Variants in RAP1GAP observed in about 807,000 individuals in gnomAD.
RAP1GAP encodes RAP1 GTPase activating protein.
Under a neutral mutation model 87.2 loss-of-function variants are expected in RAP1GAP, and 35 were observed. The ratio of observed to expected loss-of-function variants is 0.40; its 90% CI spans 0.31 to 0.53. The LOEUF is 0.53. Among genes scored for constraint, RAP1GAP ranks in the 20% least tolerant of loss-of-function variants. The pLI is 0.48. For synonymous variants in RAP1GAP, 375 were observed against 363.9 expected, an observed-to-expected ratio of 1.03 and a Z score of -0.35; for missense variants, 734 against 898.9, an observed-to-expected ratio of 0.82 and a Z score of 2.35.
rs535429077 is a variant in RAP1GAP at position 21,613,550 on chromosome 1, G to T, written c.474+78C>A. On this transcript the variant is annotated intron_variant, in intron 9 of 24. Coordinates refer to ENST00000374765, the MANE Select transcript of RAP1GAP (RefSeq NM_002885.4). The surrounding 1 kb of genome is among the most constrained non-coding windows in gnomAD (Gnocchi z 4.7). Reference sequence around the variant, plus strand: ...GCTAGGGCCTACAGCTGAAGGGGACGCGCCAAGGCAAGCTGAAGCCCCACA... The same window carrying T: ...GCTAGGGCCTACAGCTGAAGGGGACTCGCCAAGGCAAGCTGAAGCCCCACA... The T allele has an allele frequency of 3.7e-6, 5 of 1,342,978 alleles. No homozygotes were observed. The highest frequency in any genetic ancestry group is 2.3e-5 in the South Asian group (2 of 85,536). 83.2% of individuals were successfully genotyped at this position (1,342,978 alleles called of 1,614,324 possible).
intron 7 of RAP1GAP, among the ~76,000 whole-genome samples, chr1:21,614,676 A>AC (rs2080820346): frequency 6.6e-6 from 1 of 152,092 alleles, no homozygotes; most frequent in Non-Finnish European, 1.5e-5. Flanking sequence ...TTGGGAAGAC[A>AC]CCCTGGGGAG....
chr1:21,660,683 A>G (rs2097123211), intron 1 of RAP1GAP, among the ~76,000 whole-genome samples: 1 of 152,072 alleles, frequency 6.6e-6, no homozygotes, highest in Non-Finnish European at 1.5e-5. Context: ...CAATCTGGAA[A>G]ATGGAGATGA....
chr1:21,618,915 G>A, intron 5 of RAP1GAP, 110 bp downstream of exon 5: 1 of 1,275,276 alleles, frequency 7.8e-7, no homozygotes, highest in Admixed American at 2.0e-5. Context: ...CACACTGTAA[G>A]ACTACTTGCT....
At chr1:21,627,752 C>T (rs2092692761) in intron 2 of RAP1GAP, among the ~76,000 whole-genome samples, 1 of 152,122 alleles carries the variant, frequency 6.6e-6, no homozygotes, top group South Asian at 2.1e-4. Flanking sequence ...CCAGCTACTC[C>T]AGCAGGAGAA....
intron 2 of RAP1GAP, among the ~76,000 whole-genome samples, chr1:21,629,107 C>T (rs1273598604): frequency 1.3e-5 from 2 of 152,208 alleles, no homozygotes; most frequent in Non-Finnish European, 2.9e-5. Context: ...AAGCCACTTC[C>T]CCTAGCGAAT....
intron 2 of RAP1GAP, among the ~76,000 whole-genome samples, chr1:21,643,303 T>A (rs575447162): frequency 6.6e-6 from 1 of 152,140 alleles, no homozygotes; most frequent in African/African-American, 2.4e-5. Flanking sequence ...CTCACGCCTG[T>A]AATCCTAGCA....
chr1:21,608,488 C>G (rs2076219148), intron 16 of RAP1GAP, 138 bp from the exon 17 acceptor site: 2 of 1,191,942 alleles, frequency 1.7e-6, no homozygotes, highest in African/African-American at 3.1e-5. Context: ...AGGGCTCCTG[C>G]ACCGCCTTCC....
rs2094373027 is a variant in RAP1GAP, at chr1:21,634,492, A to C, written c.-112-8095T>G. On this transcript the variant is annotated intron_variant, in intron 2 of 24. Coordinates refer to ENST00000374765, the MANE Select transcript of RAP1GAP (RefSeq NM_002885.4). The surrounding 1 kb of genome is among the most constrained non-coding windows in gnomAD (Gnocchi z 4.1). ...AGGTTTATGATGGGCCAAGGGCCTC[A>C]ACAGCTACCAAGTGACAGAGCTGGC... Among the ~76,000 whole-genome samples the C allele has an allele frequency of 6.6e-6, 1 of 152,218 alleles. No individual in the cohort carries two copies. Among genetic ancestry groups the C allele is most frequent in the Non-Finnish European group, 1.5e-5 (1 of 68,024 alleles).
At chr1:21,637,872 C>T (rs185936204) in intron 2 of RAP1GAP, among the ~76,000 whole-genome samples, 2,441 of 151,318 alleles carry the variant, frequency 0.016, 36 homozygotes, top group Non-Finnish European at 0.024. Context: ...TGGTGGTTCA[C>T]GCCTGTAATC....
intron 1 of RAP1GAP, among the ~76,000 whole-genome samples, chr1:21,651,072 C>T (rs190379292): frequency 2.1e-3 from 318 of 152,302 alleles, no homozygotes; most frequent in East Asian, 8.9e-3. Context: ...ACCCATCGTC[C>T]CTCCAATTTG....
intron 17 of RAP1GAP, among the ~76,000 whole-genome samples, chr1:21,607,816 C>T (rs1476493999): frequency 2.6e-5 from 4 of 152,116 alleles, no homozygotes; most frequent in Non-Finnish European, 4.4e-5. Context: ...CCCAAGTCCA[C>T]TTCGAGCCCC....
chr1:21,608,285 C>A lies in RAP1GAP; in HGVS notation c.1224G>T (p.Met408Ile), dbSNP rs751739217. The change falls in exon 17 of 25, where the codon ATG (methionine) becomes ATT (isoleucine). Residue 408 changes from methionine to isoleucine, a missense_variant. Met to Ile is a conservative substitution (Grantham distance 10, BLOSUM62 1). Transcript: ENST00000374765. Reference sequence around the variant, plus strand: ...TGTCCTCGTCGCCGCCCAAGCCCATCATGGACTGGCTGTGGATGTGTAGTT... The same window carrying A: ...TGTCCTCGTCGCCGCCCAAGCCCATAATGGACTGGCTGTGGATGTGTAGTT... ...YEELHIHSQSMMGLGGDEDKM... is the reference protein window; with the variant it reads ...YEELHIHSQSIMGLGGDEDKM... The A allele has an allele frequency of 6.2e-7, 1 of 1,614,130 alleles. No individual in the cohort carries two copies. The highest frequency in any genetic ancestry group is 1.1e-5 in the South Asian group (1 of 91,090).
At chr1:21,619,911 C>G in intron 4 of RAP1GAP, 104 bp downstream of exon 4, 1 of 1,267,308 alleles carries the variant, frequency 7.9e-7, no homozygotes, top group Non-Finnish European at 1.1e-6. Context: ...ACTGGCGTGG[C>G]CTGTCCTCAG....
rs1432990855 is a variant in RAP1GAP at position 21,606,248 on chromosome 1, C to T, written c.1297-51G>A. ...GGCACAGGATTCCTAAGGGCCGTCC[C>T]CTTGGGGAAACCCAGGAGCCCAGGC... On this transcript the variant is annotated intron_variant, in intron 17 of 24. Transcript: ENST00000374765. The T allele has an allele frequency of 1.9e-6, 3 of 1,540,220 alleles. No individual in the cohort carries two copies. In the East Asian group the frequency reaches 7.2e-5, roughly 37 times the overall value.
chr1:21,599,747 C>A, intron 20 of RAP1GAP, 130 bp from the exon 21 acceptor site: 1 of 1,304,848 alleles, frequency 7.7e-7, no homozygotes, highest in Non-Finnish European at 1.0e-6. Flanking sequence ...GGACCCCTTA[C>A]AGATCCTTGG....
chr1:21,602,760 G>A (rs749666314), intron 19 of RAP1GAP, 44 bp downstream of exon 19: 1 of 1,525,660 alleles, frequency 6.6e-7, no homozygotes, highest in South Asian at 1.2e-5. Context: ...GGGGCTCAGG[G>A]ATGGGGATGC....
Position 21,634,021 on chromosome 1 carries a change from A to G in RAP1GAP, c.-112-7624T>C, listed in dbSNP as rs2094274601. Reference sequence around the variant, plus strand: ...TCTGAGGGGACTCGAATCTCCTGAAACCAGAACCAAGTGGCTGCCCCAGAA... The same window carrying G: ...TCTGAGGGGACTCGAATCTCCTGAAGCCAGAACCAAGTGGCTGCCCCAGAA... On this transcript the variant is annotated intron_variant, in intron 2 of 24. Transcript: ENST00000374765. This position sits in a 1 kb window ranked among gnomAD's most constrained non-coding sequence, Gnocchi z 4.1. 1.4e-5 allele frequency among the ~76,000 whole-genome samples: 2 copies of G among 148,004 alleles called. No individual in the cohort carries two copies. The highest frequency in any genetic ancestry group is 3.0e-5 in the Non-Finnish European group (2 of 67,100).
chr1:21,630,484 G>A (rs970420330), intron 2 of RAP1GAP, among the ~76,000 whole-genome samples: 1 of 151,606 alleles, frequency 6.6e-6, no homozygotes, highest in Non-Finnish European at 1.5e-5. Flanking sequence ...TGGAACTTCC[G>A]GGCTCAAGAG....
At chr1:21,641,310 T>C (rs891980375) in intron 2 of RAP1GAP, among the ~76,000 whole-genome samples, 3 of 152,162 alleles carry the variant, frequency 2.0e-5, no homozygotes, top group African/African-American at 7.2e-5. Flanking sequence ...TGATCTGGAA[T>C]GTTCCAGCTT....
Sources: gnomAD v4.1 joint callset for allele counts (sites outside exome capture counted in the v4.1 genomes callset) on GRCh38, gnomAD v4.1.1 for gene constraint, Gnocchi (gnomAD v3.1) non-coding constraint, MANE v1.5 for transcripts, NCBI Gene and HGNC (gene_info 2026-07-23, HGNC 2026-07-21) for gene names.